Variants in ARHGAP35 observed in about 807,000 individuals in gnomAD.
The protein encoded by ARHGAP35 is rho GTPase-activating protein 35.
A neutral mutation model predicts 111.1 loss-of-function variants in ARHGAP35; 15 were observed. That is an observed-to-expected ratio of 0.13 (90% CI 0.09 to 0.21). The LOEUF is 0.21. ARHGAP35 is among the 10% of genes least tolerant of loss of function. ARHGAP35 has a pLI of 1.00. For missense variants in ARHGAP35, 1,262 were observed against 1,873.0 expected (o/e 0.67, Z 6.02); for synonymous variants, 643 against 710.3 (o/e 0.91, Z 1.51).
chr19:46,968,809 G>A (rs1042571076), intron 3 of ARHGAP35, among the ~76,000 whole-genome samples: 3 of 152,154 alleles, frequency 2.0e-5, no homozygotes, highest in African/African-American at 7.2e-5. Context: ...TTAGTGGGCC[G>A]GGTGCAGTGG....
At chr19:46,955,770 A>T (rs2056436127) in intron 3 of ARHGAP35, among the ~76,000 whole-genome samples, 1 of 152,188 alleles carries the variant, frequency 6.6e-6, no homozygotes, top group Non-Finnish European at 1.5e-5. Flanking sequence ...CCTTTAAACC[A>T]TTTAAGAAAA....
intron 1 of ARHGAP35, among the ~76,000 whole-genome samples, chr19:46,903,039 T>G (rs941894102): frequency 3.3e-5 from 5 of 152,182 alleles, no homozygotes; most frequent in South Asian, 4.1e-4. Flanking sequence ...ATCGTGGTGT[T>G]AGAGATGGCA....
chr19:46,989,706 T>C lies in ARHGAP35; in HGVS notation c.4036+31T>C. 6.2e-7 allele frequency: 1 copy of C among 1,612,674 alleles called. No individual in the cohort carries two copies. The highest frequency in any genetic ancestry group is 8.5e-7 in the Non-Finnish European group (1 of 1,179,274). On this transcript the variant is annotated intron_variant, in intron 5 of 6. Coordinates refer to ENST00000672722, the MANE Select transcript of ARHGAP35 (RefSeq NM_004491.5). This position sits in a 1 kb window ranked among gnomAD's most constrained non-coding sequence, Gnocchi z 5.3. ...TACCGGCAGCCCAGTGTTGGGCGGA[T>C]TGAGGGAGAAAGGGCTTGGCACTGG...
intron 1 of ARHGAP35, among the ~76,000 whole-genome samples, chr19:46,891,941 GACCAGC>G (rs1354484261): frequency 2.6e-5 from 4 of 151,766 alleles, no homozygotes; most frequent in Admixed American, 2.6e-4. Context: ...AGGAGTTCGA[GACCAGC>G]CTGGGCAACG....
chr19:46,862,005 C>T (rs2055831693), intron 1 of ARHGAP35, among the ~76,000 whole-genome samples: 2 of 152,212 alleles, frequency 1.3e-5, no homozygotes, highest in Non-Finnish European at 2.9e-5. Context: ...TGCCCCAGCT[C>T]ATTCCCCTGA....
At chr19:46,933,397 C>T (rs1418478551) in intron 2 of ARHGAP35, among the ~76,000 whole-genome samples, 1 of 152,058 alleles carries the variant, frequency 6.6e-6, no homozygotes, top group Non-Finnish European at 1.5e-5. Context: ...ATCTGCCAAC[C>T]TCAGCCTCCC....
chr19:46,989,934 C>T lies in ARHGAP35; in HGVS notation c.4036+259C>T, dbSNP rs62136808. Among the ~76,000 whole-genome samples the T allele has an allele frequency of 1.3e-3, 204 of 152,284 alleles. No homozygotes were observed. Among genetic ancestry groups the T allele is most frequent in the Non-Finnish European group, 2.4e-3 (164 of 68,038 alleles). The stretch of plus-strand genomic sequence containing the variant: ...CTCTCATTAGTTAAGAGCATGGTTT[C>T]GGTGTCAGACTTGGCTCCTTCGCTT... On this transcript the variant is annotated intron_variant, in intron 5 of 6. Transcript: ENST00000672722. This position sits in a 1 kb window ranked among gnomAD's most constrained non-coding sequence, Gnocchi z 5.3.
intron 3 of ARHGAP35, chr19:46,948,665 C>G (rs1408006909): frequency 6.6e-6 from 1 of 152,184 alleles, no homozygotes; most frequent in Non-Finnish European, 1.5e-5. Context: ...GCCAGACACA[C>G]AAGACCATGA....
At chr19:46,976,210 CTTTTT>C (rs772367746) in intron 3 of ARHGAP35, among the ~76,000 whole-genome samples, 2 of 118,700 alleles carry the variant, frequency 1.7e-5, no homozygotes, top group African/African-American at 3.3e-5. Context: ...AAGCTTTCTC[CTTTTT>C]TTTTTTTTTT....
Position 47,000,353 on chromosome 19 carries a change from A to C in ARHGAP35, c.4165A>C (p.Asn1389His). The change falls in exon 7 of 7, where the codon AAT (asparagine) becomes CAT (histidine). Residue 1389 changes from asparagine (N) to histidine (H), a missense_variant. Physicochemically the swap from Asn to His is moderately conservative, Grantham distance 68. Coordinates refer to ENST00000672722, the MANE Select transcript of ARHGAP35 (RefSeq NM_004491.5). The surrounding 1 kb of genome is among the most constrained non-coding windows in gnomAD (Gnocchi z 6.9). ...CAGGGTCAGCCACAACAACAAGGTG[A>C]ATCTCATGACCAGCGAGAACCTCTC... Reference protein sequence around the residue: ...LNKVSHNNKVNLMTSENLSIC... With the variant: ...LNKVSHNNKVHLMTSENLSIC... 1 of 1,613,852 alleles carries C rather than the reference A, an allele frequency of 6.2e-7. No individual in the cohort carries two copies. Among genetic ancestry groups the C allele is most frequent in the East Asian group, 2.2e-5 (1 of 44,864 alleles).
At chr19:46,944,846 A>G (rs2056369404) in intron 3 of ARHGAP35, among the ~76,000 whole-genome samples, 1 of 152,162 alleles carries the variant, frequency 6.6e-6, no homozygotes, top group African/African-American at 2.4e-5. Flanking sequence ...TTCCCTTCTC[A>G]GGTTAGCTCC....
At chr19:46,893,009 G>A (rs147258769) in intron 1 of ARHGAP35, among the ~76,000 whole-genome samples, 2,139 of 152,252 alleles carry the variant, frequency 0.014, 35 homozygotes, top group Middle Eastern at 0.027. Flanking sequence ...CTCATCTTCG[G>A]ATCCTTCACC....
intron 1 of ARHGAP35, among the ~76,000 whole-genome samples, chr19:46,872,061 A>G (rs1488115163): frequency 6.6e-6 from 1 of 152,140 alleles, no homozygotes; most frequent in Admixed American, 6.5e-5. Context: ...GATGTTAACT[A>G]TGTTAACTAT....
In ARHGAP35 at chr19:47,003,913, G is replaced by GACACAC. The variant is rs375875258; in HGVS notation, c.*3229_*3230insACACAC. The GACACAC allele has an allele frequency of 4.6e-3, 553 of 120,384 alleles. No individual in the cohort carries two copies. The highest frequency in any genetic ancestry group is 0.02 in the Middle Eastern group (4 of 204). The allele number at this position is 120,384 out of a possible 1,614,324, so 7.5% of individuals were successfully genotyped here. A position where few individuals can be genotyped will look rare whatever the true frequency, so the allele number is the denominator to read the frequency against. The stretch of plus-strand genomic sequence containing the variant: ...CCCCCGCAGGCCACCAGGCATTCTG[G>GACACAC]ACACGCACACACACACACACACACA... On this transcript the variant is annotated 3_prime_UTR_variant, in exon 7 of 7. Transcript: ENST00000672722.
intron 1 of ARHGAP35, among the ~76,000 whole-genome samples, chr19:46,902,636 T>G (rs769837173): frequency 6.6e-6 from 1 of 152,176 alleles, no homozygotes; most frequent in Non-Finnish European, 1.5e-5. Flanking sequence ...AGCTTAGCTT[T>G]CTGTTACAGT....
intron 3 of ARHGAP35, among the ~76,000 whole-genome samples, chr19:46,958,208 C>A (rs547059560): frequency 2.1e-4 from 32 of 152,194 alleles, no homozygotes; most frequent in East Asian, 1.9e-4. Context: ...ACGGTGAAAC[C>A]CCGTCTCTAC....
At chr19:46,906,340 C>T (rs571630570) in intron 1 of ARHGAP35, among the ~76,000 whole-genome samples, 11 of 152,084 alleles carry the variant, frequency 7.2e-5, no homozygotes, top group Admixed American at 3.3e-4. Flanking sequence ...TCAAATTGGA[C>T]TTGCTCTCTT....
intron 2 of ARHGAP35, among the ~76,000 whole-genome samples, chr19:46,923,916 G>C (rs925081753): frequency 7.0e-6 from 1 of 143,364 alleles, no homozygotes; most frequent in Non-Finnish European, 1.5e-5. Flanking sequence ...GGGAGACTCT[G>C]TCTCAAAAAA....
At chr19:46,955,351 T>C (rs1599844760) in intron 3 of ARHGAP35, among the ~76,000 whole-genome samples, 2 of 152,150 alleles carry the variant, frequency 1.3e-5, no homozygotes, top group East Asian at 3.8e-4. Flanking sequence ...TAGTAGCTGT[T>C]TGAATAACAA....
Sources: gnomAD v4.1 joint callset for allele counts (sites outside exome capture counted in the v4.1 genomes callset) on GRCh38, gnomAD v4.1.1 for gene constraint, Gnocchi (gnomAD v3.1) non-coding constraint, MANE v1.5 for transcripts, NCBI Gene and HGNC (gene_info 2026-07-23, HGNC 2026-07-21) for gene names.